DENND1A: variants seen among roughly 807,000 people sequenced by gnomAD.
DENND1A encodes the protein DENN domain-containing protein 1A.
Under a neutral mutation model 113.7 loss-of-function variants are expected in DENND1A, and 51 were observed. That is an observed-to-expected ratio of 0.45 (90% confidence interval 0.36 to 0.57). The LOEUF (loss-of-function observed/expected upper bound fraction) is 0.57. DENND1A is among the 20% of genes least tolerant of loss of function. The pLI, the probability that DENND1A is intolerant of heterozygous loss-of-function variation, is 0.00. For synonymous variants in DENND1A, 565 were observed against 570.8 expected (o/e 0.99, Z 0.14); for missense variants, 1,258 against 1,395.9 (o/e 0.90, Z 1.57).
intron 2 of DENND1A, among the ~76,000 whole-genome samples, chr9:123,854,468 G>T (rs957871742): frequency 6.6e-6 from 1 of 152,150 alleles, no homozygotes; most frequent in African/African-American, 2.4e-5. Flanking sequence ...GGCCGAGGTG[G>T]GTGGATCACC....
At chr9:123,799,863 G>C (rs1405223241) in intron 2 of DENND1A, among the ~76,000 whole-genome samples, 3 of 152,156 alleles carry the variant, frequency 2.0e-5, no homozygotes, top group Non-Finnish European at 4.4e-5. Flanking sequence ...ACTTCCTAAA[G>C]ATCACACTGA....
intron 5 of DENND1A, among the ~76,000 whole-genome samples, chr9:123,727,889 G>A (rs1026106916): frequency 6.7e-6 from 1 of 149,934 alleles, no homozygotes; most frequent in African/African-American, 2.5e-5. Context: ...GGCAGATCAT[G>A]AGGTCAGGAG....
At chr9:123,630,007 G>A (rs2061406123) in intron 10 of DENND1A, among the ~76,000 whole-genome samples, 1 of 151,958 alleles carries the variant, frequency 6.6e-6, no homozygotes, top group Non-Finnish European at 1.5e-5. Context: ...GCAATCAGGT[G>A]GTCTTAAATC....
chr9:123,489,048 G>T (rs2051134643), intron 13 of DENND1A, among the ~76,000 whole-genome samples: 1 of 152,214 alleles, frequency 6.6e-6, no homozygotes, highest in East Asian at 1.9e-4. Flanking sequence ...CCAGCTGAGA[G>T]AATATCTTCC....
At chr9:123,881,487 T>G (rs1848306594) in intron 1 of DENND1A, among the ~76,000 whole-genome samples, 1 of 152,220 alleles carries the variant, frequency 6.6e-6, no homozygotes, top group South Asian at 2.1e-4. Context: ...GAATTTCATC[T>G]CAGAATTTCA....
At chr9:123,511,465 G>A (rs1331228767) in intron 13 of DENND1A, among the ~76,000 whole-genome samples, 2 of 152,230 alleles carry the variant, frequency 1.3e-5, no homozygotes, top group African/African-American at 4.8e-5. Context: ...AAGCATGTCC[G>A]ATTTAACTCA....
At chr9:123,396,513 C>T (rs1198542459) in intron 21 of DENND1A, among the ~76,000 whole-genome samples, 1 of 152,252 alleles carries the variant, frequency 6.6e-6, no homozygotes, top group East Asian at 1.9e-4. Flanking sequence ...ACAAGCGGCA[C>T]GCCAGCTTTT....
chr9:123,434,133 T>G (rs1265140215), intron 19 of DENND1A, among the ~76,000 whole-genome samples: 1 of 152,142 alleles, frequency 6.6e-6, no homozygotes, highest in East Asian at 1.9e-4. Flanking sequence ...TTCAAGCAAT[T>G]CTCCTGCCTC....
At chr9:123,393,207 T>C (rs535685538) in intron 21 of DENND1A, among the ~76,000 whole-genome samples, 4 of 152,328 alleles carry the variant, frequency 2.6e-5, no homozygotes, top group Non-Finnish European at 5.9e-5. Flanking sequence ...GAGCACACAG[T>C]GACTAATCCA....
intron 12 of DENND1A, among the ~76,000 whole-genome samples, chr9:123,572,435 T>G (rs1259322262): frequency 1.3e-5 from 2 of 152,174 alleles, no homozygotes; most frequent in East Asian, 3.8e-4. Flanking sequence ...AATACCTAGG[T>G]GTGGGATCGC....
At chr9:123,830,327 AGTT>A (rs1260328344) in intron 2 of DENND1A, among the ~76,000 whole-genome samples, 1 of 152,162 alleles carries the variant, frequency 6.6e-6, no homozygotes, top group African/African-American at 2.4e-5. Flanking sequence ...AAATCAGAAC[AGTT>A]GTTGTCTCTG....
At chr9:123,898,921 G>A (rs1851179505) in intron 1 of DENND1A, among the ~76,000 whole-genome samples, 1 of 152,168 alleles carries the variant, frequency 6.6e-6, no homozygotes, top group Non-Finnish European at 1.5e-5. Flanking sequence ...ACATTACTGA[G>A]ACTATATCTC....
intron 3 of DENND1A, among the ~76,000 whole-genome samples, chr9:123,772,165 T>C (rs1319859381): frequency 6.6e-6 from 1 of 152,172 alleles, no homozygotes; most frequent in African/African-American, 2.4e-5. Context: ...AATAAACCAA[T>C]TTAATAAATC....
chr9:123,423,247 G>A lies in DENND1A; in HGVS notation c.1489-11418C>T, dbSNP rs545521754. 2.7e-3 allele frequency among the ~76,000 whole-genome samples: 412 copies of A among 152,208 alleles called. 1 individual carries two copies. Among genetic ancestry groups the A allele is most frequent in the African/African-American group, 9.7e-3 (401 of 41,528 alleles). The stretch of plus-strand genomic sequence containing the variant: ...GAATGGCTGAAAGTTACAGGGCTCC[G>A]GTAAGAGTCCCCTGGAAAGGCAACT... On this transcript the variant is annotated intron_variant, in intron 19 of 23. Coordinates refer to ENST00000394215, the MANE Select transcript of DENND1A (RefSeq NM_001352964.2).
At chr9:123,560,397 T>C (rs1417965933) in intron 12 of DENND1A, among the ~76,000 whole-genome samples, 1 of 152,150 alleles carries the variant, frequency 6.6e-6, no homozygotes, top group Non-Finnish European at 1.5e-5. Flanking sequence ...ATGGGACTGA[T>C]ACCCTCCTCT....
chr9:123,733,270 C>T (rs1029321422), intron 5 of DENND1A, among the ~76,000 whole-genome samples: 5 of 149,910 alleles, frequency 3.3e-5, no homozygotes, highest in East Asian at 2.0e-4. Context: ...TGTGAGCCAC[C>T]GCACCCGGCC....
intron 2 of DENND1A, among the ~76,000 whole-genome samples, chr9:123,869,813 C>A (rs993389568): frequency 5.3e-5 from 8 of 151,880 alleles, no homozygotes; most frequent in African/African-American, 1.9e-4. Flanking sequence ...CCAGCCTGGG[C>A]AACATGGCAA....
intron 9 of DENND1A, among the ~76,000 whole-genome samples, chr9:123,649,307 A>G (rs1388590680): frequency 6.6e-6 from 1 of 152,214 alleles, no homozygotes; most frequent in East Asian, 1.9e-4. Flanking sequence ...AGTTATATTA[A>G]TAGATTTTCT....
At chr9:123,643,669 A>G (rs1346619473) in intron 9 of DENND1A, among the ~76,000 whole-genome samples, 1 of 152,210 alleles carries the variant, frequency 6.6e-6, no homozygotes, top group African/African-American at 2.4e-5. Context: ...CACTCATGGT[A>G]GGAATAGGGT....
Sources: gnomAD v4.1 joint callset for allele counts (sites outside exome capture counted in the v4.1 genomes callset) on GRCh38, gnomAD v4.1.1 for gene constraint, MANE v1.5 for transcripts, NCBI Gene and HGNC (gene_info 2026-07-23, HGNC 2026-07-21) for gene names.